GALNT18: variants seen among roughly 807,000 people sequenced by gnomAD.
GALNT18 encodes the protein GalNAc-transferase 18.
Under a neutral mutation model 69.5 loss-of-function variants are expected in GALNT18, and 44 were observed. The ratio of observed to expected loss-of-function variants is 0.63; its 90% confidence interval spans 0.50 to 0.81. GALNT18 has a LOEUF of 0.81. GALNT18 is among the 40% of genes least tolerant of loss of function. GALNT18 has a pLI of 0.00. For synonymous variants in GALNT18, 364 were observed against 318.2 expected (o/e 1.14, Z -1.53); for missense variants, 715 against 810.0 (o/e 0.88, Z 1.42).
At chr11:11,285,073 A>G (rs1323760608) in intron 10 of GALNT18, among the ~76,000 whole-genome samples, 1 of 151,990 alleles carries the variant, frequency 6.6e-6, no homozygotes, top group African/African-American at 2.4e-5. Context: ...GGGGTTATGG[A>G]GACAGCAGGA....
intron 1 of GALNT18, among the ~76,000 whole-genome samples, chr11:11,611,114 A>C (rs12276019): frequency 0.12 from 18,376 of 152,212 alleles, 1,545 homozygotes; most frequent in African/African-American, 0.24. Flanking sequence ...AGTTCAATAA[A>C]GGAATAAAGT....
In GALNT18 at chr11:11,469,231, G is replaced by A. The variant is rs975976701; in HGVS notation, c.236-20295C>T. 6.6e-6 allele frequency among the ~76,000 whole-genome samples: 1 copy of A among 152,232 alleles called. No individual in the cohort carries two copies. The highest frequency in any genetic ancestry group is 1.5e-5 in the Non-Finnish European group (1 of 68,048). Reference sequence around the variant, plus strand: ...CTTGCCTCTGTGAATGTCTCAGACAGTGCAGAACTAACGAAGGCCCCAAAC... The same window carrying A: ...CTTGCCTCTGTGAATGTCTCAGACAATGCAGAACTAACGAAGGCCCCAAAC... On this transcript the variant is annotated intron_variant, in intron 1 of 10. Transcript: ENST00000227756. The surrounding 1 kb of genome is among the most constrained non-coding windows in gnomAD (Gnocchi z 4.2).
At chr11:11,513,859 T>A (rs552223866) in intron 1 of GALNT18, among the ~76,000 whole-genome samples, 19 of 152,174 alleles carry the variant, frequency 1.2e-4, no homozygotes, top group Non-Finnish European at 2.5e-4. Flanking sequence ...CTGAAATGTG[T>A]TTCTAGGCAG....
At chr11:11,280,511 C>A (rs1346112368) in intron 10 of GALNT18, among the ~76,000 whole-genome samples, 1 of 152,114 alleles carries the variant, frequency 6.6e-6, no homozygotes, top group Non-Finnish European at 1.5e-5. Context: ...TCTTGAGCTC[C>A]CCTGAGGCTT....
chr11:11,544,954 G>A (rs1254219539), intron 1 of GALNT18, among the ~76,000 whole-genome samples: 4 of 152,166 alleles, frequency 2.6e-5, no homozygotes, highest in Admixed American at 6.5e-5. Context: ...ACCTGGTTCC[G>A]AGGCAAAGCT....
At position 11,543,766 on chromosome 11, in the gene GALNT18, G is replaced by A. The variant is rs992894844; in HGVS notation, c.235+77593C>T. Among the ~76,000 whole-genome samples the A allele has an allele frequency of 6.6e-6, 1 of 152,234 alleles. No individual in the cohort carries two copies. Among genetic ancestry groups the A allele is most frequent in the Non-Finnish European group, 1.5e-5 (1 of 68,044 alleles). On this transcript the variant is annotated intron_variant, in intron 1 of 10. Transcript: ENST00000227756. This position sits in a 1 kb window ranked among gnomAD's most constrained non-coding sequence, Gnocchi z 5.1. The stretch of plus-strand genomic sequence containing the variant: ...ACTGACTCCTACATCCCATGGCTCT[G>A]TGATGTGACTGGGGCCCCGAATGTG...
Position 11,340,696 on chromosome 11 carries a change from G to A in GALNT18, c.1278+123C>T, listed in dbSNP as rs2133056511. On this transcript the variant is annotated intron_variant, in intron 7 of 10. Coordinates refer to ENST00000227756, the MANE Select transcript of GALNT18 (RefSeq NM_198516.3). The surrounding 1 kb of genome is among the most constrained non-coding windows in gnomAD (Gnocchi z 4.2). ...CAAATAATATGTTTTGGGGTTGAGA[G>A]TCCATTCTTGCATGGCAAACAGGAC... 1.1e-6 allele frequency: 1 copy of A among 892,388 alleles called. No homozygotes were observed. Among genetic ancestry groups the A allele is most frequent in the East Asian group, 2.6e-5 (1 of 38,634 alleles). The allele number at this position is 892,388 out of a possible 1,614,324, so 55.3% of individuals were successfully genotyped here.
At chr11:11,485,187 G>A (rs1293744277) in intron 1 of GALNT18, among the ~76,000 whole-genome samples, 4 of 152,214 alleles carry the variant, frequency 2.6e-5, no homozygotes, top group Non-Finnish European at 4.4e-5. Context: ...TTCTCCAGCA[G>A]ACACCACCTG....
At chr11:11,522,478 A>G (rs1400670114) in intron 1 of GALNT18, among the ~76,000 whole-genome samples, 1 of 152,120 alleles carries the variant, frequency 6.6e-6, no homozygotes, top group East Asian at 1.9e-4. Flanking sequence ...GCCACATAGC[A>G]CAGACAAGAG....
At position 11,614,362 on chromosome 11, in the gene GALNT18, A is replaced by AGAGGAGGAG. The variant is rs10612380; in HGVS notation, c.235+6988_235+6996dup. 0.015 allele frequency among the ~76,000 whole-genome samples: 2,211 copies of AGAGGAGGAG among 146,358 alleles called. 57 individuals carry two copies. The highest frequency in any genetic ancestry group is 0.054 in the African/African-American group (2,104 of 38,970). ...CAAGAGAGTGAGGAGAAGAAGAAGA[A>AGAGGAGGAG]GAGGAGGAGGAGGAGGAGGAGGAGG... On this transcript the variant is annotated intron_variant, in intron 1 of 10. Coordinates refer to ENST00000227756, the MANE Select transcript of GALNT18 (RefSeq NM_198516.3). The surrounding 1 kb of genome is among the most constrained non-coding windows in gnomAD (Gnocchi z 5.6).
At chr11:11,398,546 C>T (rs533146127) in intron 3 of GALNT18, among the ~76,000 whole-genome samples, 6 of 152,322 alleles carry the variant, frequency 3.9e-5, no homozygotes, top group Non-Finnish European at 4.4e-5. Context: ...AGGATATGAA[C>T]TCAGGCAGTC....
At chr11:11,335,858 T>C (rs143703857) in intron 7 of GALNT18, among the ~76,000 whole-genome samples, 1,581 of 152,148 alleles carry the variant, frequency 0.01, 21 homozygotes, top group Non-Finnish European at 0.013. Flanking sequence ...AAGGAAGGAC[T>C]CTCCCCTCGA....
intron 1 of GALNT18, among the ~76,000 whole-genome samples, chr11:11,473,968 G>A (rs1196209840): frequency 2.6e-5 from 4 of 152,166 alleles, no homozygotes; most frequent in Non-Finnish European, 4.4e-5. Flanking sequence ...GGGAGGCTGG[G>A]GCAGGAGAAT....
chr11:11,451,207 T>C (rs1855789133), intron 1 of GALNT18, among the ~76,000 whole-genome samples: 1 of 152,218 alleles, frequency 6.6e-6, no homozygotes, highest in Admixed American at 6.5e-5. Context: ...AGCACAAGCA[T>C]GCATGATCTT....
At position 11,601,298 on chromosome 11, in the gene GALNT18, C is replaced by T. The variant is rs181908459; in HGVS notation, c.235+20061G>A. On this transcript the variant is annotated intron_variant, in intron 1 of 10. Coordinates refer to ENST00000227756, the MANE Select transcript of GALNT18 (RefSeq NM_198516.3). The surrounding 1 kb of genome is among the most constrained non-coding windows in gnomAD (Gnocchi z 4.0). ...ACTATATACTTGTTTACTTGTTTAC[C>T]GCATTGGATGGGCTACTTCAGTGAA... 3.7e-3 allele frequency among the ~76,000 whole-genome samples: 571 copies of T among 152,288 alleles called. 7 individuals carry two copies. Among genetic ancestry groups the T allele is most frequent in the Non-Finnish European group, 3.7e-3 (249 of 68,020 alleles).
chr11:11,285,063 G>A (rs1439523821), intron 10 of GALNT18, among the ~76,000 whole-genome samples: 2 of 152,098 alleles, frequency 1.3e-5, no homozygotes, highest in Non-Finnish European at 1.5e-5. Flanking sequence ...CAGGTAGAGA[G>A]GGGTTATGGA....
Position 11,382,086 on chromosome 11 carries a change from C to T in GALNT18, c.596-2822G>A, listed in dbSNP as rs573519324. 2.6e-5 allele frequency among the ~76,000 whole-genome samples: 4 copies of T among 152,306 alleles called. No homozygotes were observed. Among genetic ancestry groups the T allele is most frequent in the South Asian group, 4.1e-4 (2 of 4,822 alleles). On this transcript the variant is annotated intron_variant, in intron 3 of 10. Coordinates refer to ENST00000227756, the MANE Select transcript of GALNT18 (RefSeq NM_198516.3). This position sits in a 1 kb window ranked among gnomAD's most constrained non-coding sequence, Gnocchi z 4.3. ...GGAGCTACTTGCCTCTTTGTACCTG[C>T]GAGCTCTGTTAACACTGAGCTAGAG...
rs1255707856 is a variant in GALNT18 at position 11,495,902 on chromosome 11, TC to T, written c.236-46967del. Among the ~76,000 whole-genome samples, 4 of 152,350 alleles carry T rather than the reference TC, an allele frequency of 2.6e-5. No individual in the cohort carries two copies. The East Asian group carries it at 5.8e-4, about 22-fold the overall frequency. Reference sequence around the variant, plus strand: ...GCAGGTCCTCCTCTCAAGGCAGTCCTCTGCCACCTTCTCTAAGACTCCCAAC... The same window carrying T: ...GCAGGTCCTCCTCTCAAGGCAGTCCTTGCCACCTTCTCTAAGACTCCCAAC... On this transcript the variant is annotated intron_variant, in intron 1 of 10. Transcript: ENST00000227756.
rs1854553883 is a variant in GALNT18, at chr11:11,404,844, C to T, written c.596-25580G>A. Among the ~76,000 whole-genome samples, 1 of 152,148 alleles carries T rather than the reference C, an allele frequency of 6.6e-6. No homozygotes were observed. Among genetic ancestry groups the T allele is most frequent in the Non-Finnish European group, 1.5e-5 (1 of 68,028 alleles). ...CACCTGGCCTCAACTTGAACATGCC[C>T]CAGCCACACCTAACCCAGACCTCAG... On this transcript the variant is annotated intron_variant, in intron 3 of 10. Coordinates refer to ENST00000227756, the MANE Select transcript of GALNT18 (RefSeq NM_198516.3). This position sits in a 1 kb window ranked among gnomAD's most constrained non-coding sequence, Gnocchi z 4.5.
Sources: allele counts gnomAD v4.1 joint callset (sites outside exome capture counted in the v4.1 genomes callset), GRCh38; gene constraint gnomAD v4.1.1; non-coding constraint Gnocchi (gnomAD v3.1); transcripts MANE v1.5; gene names NCBI Gene and HGNC (gene_info 2026-07-23, HGNC 2026-07-21).